Variants in CNOT10 observed in about 807,000 individuals in gnomAD.
CNOT10 encodes the protein CCR4-NOT transcription complex, subunit 10.
CNOT10 carries 30 observed loss-of-function variants against 94.6 expected under a neutral mutation model. The ratio of observed to expected loss-of-function variants is 0.32; its 90% CI spans 0.24 to 0.43. The LOEUF is 0.43. Ranked by LOEUF, CNOT10 falls within the 20% of genes least tolerant of loss-of-function variation. CNOT10 has a pLI of 1.00. For synonymous variants in CNOT10, 289 were observed against 301.6 expected, an observed-to-expected ratio of 0.96 and a Z score of 0.43; for missense variants, 759 against 877.2, an observed-to-expected ratio of 0.87 and a Z score of 1.70.
intron 4 of CNOT10, among the ~76,000 whole-genome samples, chr3:32,711,869 G>C (rs1697903566): frequency 6.6e-6 from 1 of 152,188 alleles, no homozygotes; most frequent in South Asian, 2.1e-4. Context: ...ACTGTCTTAG[G>C]TGCAGTGAGA....
intron 3 of CNOT10, among the ~76,000 whole-genome samples, chr3:32,708,080 G>C (rs1341195331): frequency 1.3e-5 from 2 of 151,792 alleles, no homozygotes; most frequent in Admixed American, 6.6e-5. Flanking sequence ...TGTATTTTTA[G>C]TAGAGACGGG....
At chr3:32,745,615 A>C (rs1477275443) in intron 13 of CNOT10, among the ~76,000 whole-genome samples, 1 of 152,238 alleles carries the variant, frequency 6.6e-6, no homozygotes, top group African/African-American at 2.4e-5. Context: ...GGTAGACAAA[A>C]CCTAGACATA....
chr3:32,725,368 G>A (rs76520124), intron 8 of CNOT10, 82 bp from the exon 9 acceptor site: 52,343 of 1,030,476 alleles, frequency 0.051, 1,596 homozygotes, highest in Middle Eastern at 0.094. Flanking sequence ...GTGTTAACTC[G>A]TGCAAGATGA....
chr3:32,694,951 C>T (rs2125496183), intron 1 of CNOT10, among the ~76,000 whole-genome samples: 1 of 152,204 alleles, frequency 6.6e-6, no homozygotes, highest in East Asian at 1.9e-4. Flanking sequence ...TCTCAAACTC[C>T]TGACCCCAGG....
intron 14 of CNOT10, 66 bp from the exon 15 acceptor site, chr3:32,762,644 ATAATAACATAATATACCCAGCAT>A: frequency 7.5e-7 from 1 of 1,332,854 alleles, no homozygotes; most frequent in Admixed American, 2.6e-5. Flanking sequence ...TATCCAATGT[ATAATAACATAATATACCCAGCAT>A]TATTTTACAT....
chr3:32,745,636 T>A (rs1699666415), intron 13 of CNOT10, among the ~76,000 whole-genome samples: 1 of 152,242 alleles, frequency 6.6e-6, no homozygotes, highest in South Asian at 2.1e-4. Context: ...GCCCAGGTAT[T>A]CATCAGTAGA....
Position 32,766,166 on chromosome 3 carries a change from C to T in CNOT10, c.2004+1357C>T, listed in dbSNP as rs368671430. 8.7e-5 allele frequency among the ~76,000 whole-genome samples: 4 copies of T among 45,882 alleles called. 2 individuals carry two copies. In the South Asian group the frequency reaches 3.0e-3, roughly 35 times the overall value. 30.1% of individuals were successfully genotyped at this position (45,882 alleles called of 152,430 possible). On this transcript the variant is annotated intron_variant, in intron 17 of 18. Transcript: ENST00000328834. ...GATTACAGGCATGTACCACCACGCC[C>T]GGCTAATTTTGTATTTTTAATAGAG...
At chr3:32,773,188 C>T (rs1484955030) in intron 18 of CNOT10, among the ~76,000 whole-genome samples, 1 of 152,142 alleles carries the variant, frequency 6.6e-6, no homozygotes, top group Non-Finnish European at 1.5e-5. Context: ...TTATACAGCC[C>T]ACCTATAACA....
intron 14 of CNOT10, 96 bp downstream of exon 14, chr3:32,759,667 G>T (rs770724046): frequency 3.8e-5 from 31 of 819,026 alleles, no homozygotes; most frequent in Non-Finnish European, 5.9e-5. Flanking sequence ...TCCTCCAGTG[G>T]AATATATATT....
intron 1 of CNOT10, chr3:32,687,766 T>C (rs1696694488): frequency 6.6e-6 from 1 of 152,168 alleles, no homozygotes; most frequent in Non-Finnish European, 1.5e-5. Context: ...CTCACTCTAA[T>C]GTGGTTTGTG....
rs868086702 is a variant in CNOT10 at position 32,732,136 on chromosome 3, A to T, written c.1216-1287A>T. On this transcript the variant is annotated intron_variant, in intron 10 of 18. Transcript: ENST00000328834. ...CTGGGCGCGGTAGCTCACACCTGTA[A>T]TCTCAGTACTTTGGGAGGCCGAGGC... is the stretch of plus-strand genomic sequence containing the variant. 4.6e-5 allele frequency among the ~76,000 whole-genome samples: 7 copies of T among 151,302 alleles called. No homozygotes were observed. The Middle Eastern group carries it at 0.021, about 450-fold the overall frequency.
intron 10 of CNOT10, among the ~76,000 whole-genome samples, chr3:32,730,057 C>T (rs1014172852): frequency 2.0e-5 from 3 of 151,928 alleles, no homozygotes; most frequent in Non-Finnish European, 2.9e-5. Flanking sequence ...CGTGAGCCAC[C>T]GCGCCCGGCC....
intron 1 of CNOT10, among the ~76,000 whole-genome samples, chr3:32,691,763 A>C (rs1395487740): frequency 1.3e-5 from 2 of 152,202 alleles, no homozygotes; most frequent in Non-Finnish European, 2.9e-5. Context: ...ATATATTAAA[A>C]ATTTCCTGCC....
rs1696550354 is a variant in CNOT10, at chr3:32,685,367, G to C, written c.-94G>C. On this transcript the variant is annotated 5_prime_UTR_variant, in exon 1 of 19. Coordinates refer to ENST00000328834, the MANE Select transcript of CNOT10 (RefSeq NM_015442.3). ...GGGGCCCGGAGCCGGGGTAGGCACAGAGTTGTCCTCGGAGGTCCAGGACAG... is the reference window on the plus strand; with the variant it reads ...GGGGCCCGGAGCCGGGGTAGGCACACAGTTGTCCTCGGAGGTCCAGGACAG... 4 of 1,444,648 alleles carry C rather than the reference G, an allele frequency of 2.8e-6. No individual in the cohort carries two copies. Among genetic ancestry groups the C allele is most frequent in the Non-Finnish European group, 3.8e-6 (4 of 1,052,048 alleles). 89.5% of individuals were successfully genotyped at this position (1,444,648 alleles called of 1,614,324 possible).
intron 7 of CNOT10, among the ~76,000 whole-genome samples, chr3:32,718,411 C>G (rs1698221202): frequency 6.7e-6 from 1 of 150,022 alleles, no homozygotes; most frequent in Non-Finnish European, 1.5e-5. Context: ...AGTGAAACCC[C>G]ATCTCTACTA....
intron 9 of CNOT10, 70 bp downstream of exon 9, chr3:32,725,669 T>C: frequency 7.2e-7 from 1 of 1,388,626 alleles, no homozygotes; most frequent in East Asian, 2.4e-5. Context: ...AGCATGAATG[T>C]GGTTAAAATA....
intron 6 of CNOT10, among the ~76,000 whole-genome samples, chr3:32,716,543 C>G (rs766880546): frequency 2.6e-5 from 4 of 152,064 alleles, no homozygotes; most frequent in African/African-American, 9.7e-5. Context: ...AGAAATGGCA[C>G]GGGAATGTAC....
At position 32,761,184 on chromosome 3, in the gene CNOT10, T is replaced by C. The variant is rs143120506; in HGVS notation, c.1710-1549T>C. On this transcript the variant is annotated intron_variant, in intron 14 of 18. Transcript: ENST00000328834. ...AAGAGACTTTGTCACAATTCAAATATAAGGGAGCTCCTGCTCTTCTGCAAG... is the reference window on the plus strand; with the variant it reads ...AAGAGACTTTGTCACAATTCAAATACAAGGGAGCTCCTGCTCTTCTGCAAG... Among the ~76,000 whole-genome samples, 591 of 152,168 alleles carry C rather than the reference T, an allele frequency of 3.9e-3. 2 individuals are homozygous for C. Among genetic ancestry groups the C allele is most frequent in the African/African-American group, 0.013 (559 of 41,508 alleles).
At chr3:32,693,304 C>A (rs896862509) in intron 1 of CNOT10, among the ~76,000 whole-genome samples, 1 of 151,788 alleles carries the variant, frequency 6.6e-6, no homozygotes, top group Non-Finnish European at 1.5e-5. Flanking sequence ...GCAGCCTCGA[C>A]CTCCCGGATT....
Sources: allele counts gnomAD v4.1 joint callset (sites outside exome capture counted in the v4.1 genomes callset), GRCh38; gene constraint gnomAD v4.1.1; transcripts MANE v1.5; gene names NCBI Gene and HGNC (gene_info 2026-07-23, HGNC 2026-07-21).